The following PRCP variants were observed in gnomAD, a reference collection of about 807,000 sequenced individuals.
PRCP encodes prolylcarboxypeptidase, also known as lysosomal Pro-X carboxypeptidase.
A neutral mutation model predicts 54.2 loss-of-function variants in PRCP; 46 were observed. The ratio of observed to expected loss-of-function variants is 0.85; its 90% CI spans 0.67 to 1.09. The LOEUF (loss-of-function observed/expected upper bound fraction) is 1.09, where lower values mean the gene tolerates loss of function less well. Ranked by LOEUF, PRCP falls within the 50% of genes least tolerant of loss-of-function variation. The pLI is 0.00. For missense variants in PRCP, 613 were observed against 596.8 expected (o/e 1.03, Z -0.28); for synonymous variants, 240 against 212.2 (o/e 1.13, Z -1.14).
chr11:82,886,266 C>G (rs1429599595), intron 1 of PRCP, among the ~76,000 whole-genome samples: 1 of 152,116 alleles, frequency 6.6e-6, no homozygotes, highest in African/African-American at 2.4e-5. Context: ...TCTAAATCAG[C>G]CATGAACTTC....
At chr11:82,891,381 GTCTT>G (rs1235633041) in intron 1 of PRCP, among the ~76,000 whole-genome samples, 2 of 152,058 alleles carry the variant, frequency 1.3e-5, no homozygotes, top group African/African-American at 2.4e-5. Flanking sequence ...CAACAACCTG[GTCTT>G]TCTGTTTACC....
intron 8 of PRCP, chr11:82,825,975 A>C (rs1858222594): frequency 6.6e-6 from 1 of 152,244 alleles, no homozygotes; most frequent in Non-Finnish European, 1.5e-5. Context: ...GTTGAGATAT[A>C]ATTCATCTAC....
chr11:82,900,553 C>T (rs1039595563), upstream of PRCP: 35 of 1,097,072 alleles, frequency 3.2e-5, no homozygotes, highest in African/African-American at 3.1e-4. Context: ...CTCAGAGACG[C>T]CGCCCAAGCC....
intron 6 of PRCP, among the ~76,000 whole-genome samples, chr11:82,844,747 A>AG (rs1555014082): frequency 4.0e-4 from 54 of 136,090 alleles, no homozygotes; most frequent in African/African-American, 1.4e-3. Flanking sequence ...AAAAAAAAAA[A>AG]AAAGAAAGAA....
At chr11:82,854,411 C>T (rs1242337702) in intron 2 of PRCP, among the ~76,000 whole-genome samples, 1 of 152,054 alleles carries the variant, frequency 6.6e-6, no homozygotes. Context: ...ACAATAGCCA[C>T]AAAAAGAATG....
rs762074665 is a variant in PRCP at position 82,839,516 on chromosome 11, C to A, written c.922-91G>T. 67 of 1,361,974 alleles carry A rather than the reference C, an allele frequency of 4.9e-5. No homozygotes were observed. In the Middle Eastern group the frequency reaches 3.3e-3, roughly 68 times the overall value. 84.4% of individuals were successfully genotyped at this position (1,361,974 alleles called of 1,614,324 possible). On this transcript the variant is annotated intron_variant, in intron 6 of 8. Coordinates refer to ENST00000313010, the MANE Select transcript of PRCP (RefSeq NM_005040.4). ...CACAAAGAAGAAATATGATTTTGAT[C>A]TGATCATAAAATATTCTTAAGCTAC...
intron 6 of PRCP, among the ~76,000 whole-genome samples, chr11:82,841,105 G>C (rs1858657018): frequency 2.0e-5 from 2 of 99,770 alleles, no homozygotes; most frequent in South Asian, 5.9e-4. Flanking sequence ...AGCCAGGAAA[G>C]GAGCCCAGTC....
intron 8 of PRCP, chr11:82,827,450 T>C (rs184333052): frequency 6.6e-6 from 1 of 152,340 alleles, no homozygotes; most frequent in East Asian, 1.9e-4. Flanking sequence ...TAGTATGAAA[T>C]AGGGAGCCAA....
rs375138160 is a variant in PRCP, at chr11:82,869,148, G to T, written c.169-9031C>A. Among the ~76,000 whole-genome samples the T allele has an allele frequency of 4.5e-4, 69 of 152,118 alleles. 1 individual carries two copies. Among genetic ancestry groups the T allele is most frequent in the African/African-American group, 1.5e-3 (63 of 41,498 alleles). ...AGGTGGTAGGATCACTTGAGCCCAG[G>T]AGTTCAAGACCAGCCTGGGCAACAT... On this transcript the variant is annotated intron_variant, in intron 1 of 8. Transcript: ENST00000313010.
At chr11:82,880,427 G>C (rs1859719754) in intron 1 of PRCP, among the ~76,000 whole-genome samples, 1 of 152,294 alleles carries the variant, frequency 6.6e-6, no homozygotes, top group Admixed American at 6.5e-5. Flanking sequence ...CAATTTTCCA[G>C]GTACCGTCTG....
intron 2 of PRCP, among the ~76,000 whole-genome samples, chr11:82,856,902 G>A (rs1365301049): frequency 1.3e-5 from 2 of 151,988 alleles, no homozygotes; most frequent in Non-Finnish European, 2.9e-5. Context: ...CGGGCGTGGT[G>A]GCAGGCGCCT....
chr11:82,840,928 C>T (rs1189412460), intron 6 of PRCP: 2 of 151,996 alleles, frequency 1.3e-5, no homozygotes, highest in Middle Eastern at 3.4e-3. Flanking sequence ...AGGAAGTGTC[C>T]ACCTGTAAAA....
At position 82,849,115 on chromosome 11, in the gene PRCP, A is replaced by T. The variant is rs1392049544; in HGVS notation, c.855T>A (p.Asn285Lys). 36 of 1,614,060 alleles carry T rather than the reference A, an allele frequency of 2.2e-5. No individual in the cohort carries two copies. Among genetic ancestry groups the T allele is most frequent in the Non-Finnish European group, 3.1e-5 (36 of 1,180,010 alleles). Reference protein sequence around the residue: ...LKDWISETWVNLAMVDYPYAS... With the variant: ...LKDWISETWVKLAMVDYPYAS... ...CATAAGGATAGTCCACCATTGCCAGATTCACCCAGGTTTCAGAGATCCAGT... is the reference window on the plus strand; with the variant it reads ...CATAAGGATAGTCCACCATTGCCAGTTTCACCCAGGTTTCAGAGATCCAGT... Residue 285 changes from asparagine to lysine, a missense_variant, in exon 6 of 9, where the codon AAT becomes AAA. Transcript: ENST00000313010.
chr11:82,866,508 A>T (rs910024054), intron 1 of PRCP, among the ~76,000 whole-genome samples: 4 of 152,024 alleles, frequency 2.6e-5, no homozygotes, highest in African/African-American at 9.7e-5. Flanking sequence ...TTTTCCTAAC[A>T]TGCCCCTAAT....
Position 82,839,252 on chromosome 11 carries a change from C to G in PRCP, c.1086+9G>C. 1 of 1,601,698 alleles carries G rather than the reference C, an allele frequency of 6.2e-7. No homozygotes were observed. Among genetic ancestry groups the G allele is most frequent in the Non-Finnish European group, 8.5e-7 (1 of 1,175,842 alleles). On this transcript the variant is annotated intron_variant, in intron 7 of 8. Transcript: ENST00000313010. ...GTAAGTTCCACTTGGGGAAATTATACATATTTACCTGATAGCTCCAACCCA... is the reference window on the plus strand; with the variant it reads ...GTAAGTTCCACTTGGGGAAATTATAGATATTTACCTGATAGCTCCAACCCA...
intron 3 of PRCP, among the ~76,000 whole-genome samples, chr11:82,852,637 A>T (rs190837702): frequency 2.6e-4 from 39 of 152,340 alleles, no homozygotes; most frequent in Admixed American, 1.2e-3. Context: ...TTGAAGAAAA[A>T]GTGTCCTGGT....
chr11:82,868,648 G>T (rs929535333), intron 1 of PRCP, among the ~76,000 whole-genome samples: 1 of 152,128 alleles, frequency 6.6e-6, no homozygotes, highest in African/African-American at 2.4e-5. Flanking sequence ...AAAAACATGT[G>T]CAAGGCTATG....
At chr11:82,897,306 AT>A (rs1255090951) in intron 1 of PRCP, among the ~76,000 whole-genome samples, 1 of 152,198 alleles carries the variant, frequency 6.6e-6, no homozygotes, top group African/African-American at 2.4e-5. Flanking sequence ...ATAAAAAATG[AT>A]TTGTGACAAT....
intron 1 of PRCP, among the ~76,000 whole-genome samples, chr11:82,867,761 T>G (rs74485322): frequency 6.6e-6 from 1 of 152,126 alleles, no homozygotes; most frequent in Non-Finnish European, 1.5e-5. Context: ...CTCCCCTCTG[T>G]AGCCCAGGCA....
Sources: allele counts gnomAD v4.1 joint callset (sites outside exome capture counted in the v4.1 genomes callset), GRCh38; gene constraint gnomAD v4.1.1; transcripts MANE v1.5; gene names NCBI Gene and HGNC (gene_info 2026-07-23, HGNC 2026-07-21).